CUBN: variants seen among roughly 807,000 people sequenced by gnomAD.
The protein encoded by CUBN is 460 kDa receptor.
In CUBN, 282 loss-of-function variants were observed where a neutral mutation model predicts 405.3. The ratio of observed to expected loss-of-function variants is 0.70; its 90% confidence interval spans 0.63 to 0.77. The LOEUF is 0.77. CUBN is among the 30% of genes least tolerant of loss of function. CUBN has a pLI of 0.00. For missense variants in CUBN, 4,514 were observed against 4,475.2 expected (o/e 1.01, Z -0.25); for synonymous variants, 1,684 against 1,617.0 (o/e 1.04, Z -0.99).
intron 40 of CUBN, among the ~76,000 whole-genome samples, chr10:16,930,965 T>A (rs1290787269): frequency 6.6e-6 from 1 of 152,022 alleles, no homozygotes; most frequent in Non-Finnish European, 1.5e-5. Flanking sequence ...GGATTTAAAA[T>A]TTAGTCATAG....
Position 17,041,065 on chromosome 10 carries a change from G to A in CUBN, c.3985C>T (p.His1329Tyr). The A allele has an allele frequency of 6.2e-7, 1 of 1,613,762 alleles. No homozygotes were observed. The highest frequency in any genetic ancestry group is 1.1e-5 in the South Asian group (1 of 91,072). ...TAATCTGTGGAGCAGTTTATGTGAT[G>A]TTCCAAGTCAAATGCTAAAAATGTG... ...NYTFLAFDLE[H>Y]HINCSTDYLE... The change falls in exon 27 of 67, where the codon CAT becomes TAT. Residue 1329 changes from histidine (H) to tyrosine (Y), a missense_variant. Coordinates refer to ENST00000377833, the MANE Select transcript of CUBN (RefSeq NM_001081.4).
chr10:17,050,255 G>C (rs571065580), intron 22 of CUBN, among the ~76,000 whole-genome samples: 2 of 152,022 alleles, frequency 1.3e-5, no homozygotes, highest in African/African-American at 4.8e-5. Flanking sequence ...CTCTCCTTAA[G>C]AACTGTAAAA....
intron 7 of CUBN, 65 bp downstream of exon 7, chr10:17,115,406 T>TAGG: frequency 6.2e-7 from 1 of 1,602,106 alleles, no homozygotes; most frequent in South Asian, 1.1e-5. Flanking sequence ...GCAGTGGGCA[T>TAGG]AGGAGGAGGA....
chr10:16,882,785 A>T (rs1255434031), intron 56 of CUBN, among the ~76,000 whole-genome samples: 2 of 152,146 alleles, frequency 1.3e-5, no homozygotes, highest in African/African-American at 4.8e-5. Context: ...AGGCCGAGGC[A>T]GGCAGATCAC....
intron 55 of CUBN, 126 bp from the exon 56 acceptor site, chr10:16,888,692 GAAGC>G: frequency 1.2e-6 from 1 of 811,552 alleles, no homozygotes; most frequent in Non-Finnish European, 2.1e-6. Flanking sequence ...CCAAATGGAA[GAAGC>G]AAGAATGAAG....
At chr10:17,042,672 C>G (rs1259267463) in intron 26 of CUBN, among the ~76,000 whole-genome samples, 1 of 152,108 alleles carries the variant, frequency 6.6e-6, no homozygotes, top group Non-Finnish European at 1.5e-5. Context: ...TTTTTATGTA[C>G]TAGTGATACA....
At chr10:17,100,733 A>G (rs1191591688) in intron 13 of CUBN, among the ~76,000 whole-genome samples, 1 of 152,160 alleles carries the variant, frequency 6.6e-6, no homozygotes, top group Non-Finnish European at 1.5e-5. Flanking sequence ...TAAGATTCTG[A>G]CGCCAGCCCA....
At chr10:16,920,476 C>T (rs1311261835) in intron 43 of CUBN, among the ~76,000 whole-genome samples, 3 of 152,134 alleles carry the variant, frequency 2.0e-5, no homozygotes, top group Non-Finnish European at 4.4e-5. Context: ...TGTAAGTATG[C>T]TAGCAGTTAC....
chr10:16,871,159 C>T (rs1233650352), intron 58 of CUBN, among the ~76,000 whole-genome samples: 3 of 151,742 alleles, frequency 2.0e-5, no homozygotes, highest in Non-Finnish European at 2.9e-5. Context: ...TCCCGAGTAG[C>T]TGGGATTACA....
intron 33 of CUBN, among the ~76,000 whole-genome samples, chr10:16,950,801 C>T (rs745941089): frequency 6.6e-5 from 10 of 152,184 alleles, no homozygotes; most frequent in Non-Finnish European, 1.0e-4. Flanking sequence ...TGCCGTCTTT[C>T]CAGTTTTTAT....
chr10:17,037,942 CTTTT>C (rs397846881), intron 27 of CUBN, among the ~76,000 whole-genome samples: 1 of 142,932 alleles, frequency 7.0e-6, no homozygotes, highest in African/African-American at 2.6e-5. Context: ...ACACAGTCAC[CTTTT>C]TTTTTTTTTT....
chr10:16,868,575 T>C (rs988061109), intron 59 of CUBN, among the ~76,000 whole-genome samples: 1 of 152,216 alleles, frequency 6.6e-6, no homozygotes, highest in African/African-American at 2.4e-5. Flanking sequence ...TTAGACTGTG[T>C]CACTGATGCT....
chr10:16,906,278 TG>T lies in CUBN; in HGVS notation c.7836del (p.Ile2613PhefsTer10). ...TAAAAATCTTCAAAGTGAATGGAAA[TG>T]GATGAATTTCCCTGATTTGGATTGC... ...TLSNPNQGNS[S>X]ISIHFEDFYL... On this transcript the variant is annotated frameshift_variant, in exon 50 of 67. Transcript: ENST00000377833. LOFTEE classifies it high-confidence loss of function. The T allele has an allele frequency of 6.2e-7, 1 of 1,614,092 alleles. No individual in the cohort carries two copies. The highest frequency in any genetic ancestry group is 8.5e-7 in the Non-Finnish European group (1 of 1,179,950).
chr10:17,039,101 C>T (rs1814445917), intron 27 of CUBN, among the ~76,000 whole-genome samples: 1 of 152,152 alleles, frequency 6.6e-6, no homozygotes, highest in Admixed American at 6.5e-5. Flanking sequence ...CTGCCAAAGC[C>T]TCCTTTAAAG....
intron 36 of CUBN, among the ~76,000 whole-genome samples, chr10:16,941,327 T>C (rs1185497578): frequency 6.6e-6 from 1 of 152,162 alleles, no homozygotes; most frequent in Non-Finnish European, 1.5e-5. Context: ...AAAGAACCTC[T>C]ACCTCTGCCT....
At chr10:17,014,689 G>C (rs921360896) in intron 28 of CUBN, among the ~76,000 whole-genome samples, 1 of 152,280 alleles carries the variant, frequency 6.6e-6, no homozygotes, top group East Asian at 1.9e-4. Context: ...TCGCCTGCTG[G>C]GATGAGGCTT....
chr10:16,971,652 T>C (rs781253171), intron 31 of CUBN, among the ~76,000 whole-genome samples: 3 of 152,176 alleles, frequency 2.0e-5, no homozygotes, highest in Non-Finnish European at 4.4e-5. Flanking sequence ...TGGGTTTCAA[T>C]TTCTTATTCT....
intron 60 of CUBN, among the ~76,000 whole-genome samples, chr10:16,841,996 C>T (rs1358864480): frequency 5.3e-5 from 8 of 149,930 alleles, no homozygotes; most frequent in African/African-American, 1.9e-4. Context: ...TCCTTTCCTG[C>T]TTGATTTTTC....
At chr10:16,882,789 A>G (rs980829502) in intron 56 of CUBN, among the ~76,000 whole-genome samples, 1 of 152,274 alleles carries the variant, frequency 6.6e-6, no homozygotes. Context: ...CGAGGCAGGC[A>G]GATCACTTGA....
Sources: allele counts gnomAD v4.1 joint callset (sites outside exome capture counted in the v4.1 genomes callset), GRCh38; gene constraint gnomAD v4.1.1; transcripts MANE v1.5; gene names NCBI Gene and HGNC (gene_info 2026-07-23, HGNC 2026-07-21).